The following LINGO2 variants were observed in gnomAD, a reference collection of about 807,000 sequenced individuals.
LINGO2 encodes leucine rich repeat and Ig domain containing 2.
In LINGO2, 14 loss-of-function variants were observed where a neutral mutation model predicts 30.6. That is an observed-to-expected ratio of 0.46 (90% confidence interval 0.30 to 0.72). The LOEUF (loss-of-function observed/expected upper bound fraction) is 0.72, where lower values mean the gene tolerates loss of function less well. Ranked by LOEUF, LINGO2 falls within the 30% of genes least tolerant of loss-of-function variation. The pLI, the probability that LINGO2 is intolerant of heterozygous loss-of-function variation, is 0.07. For synonymous variants in LINGO2, 317 were observed against 288.5 expected, an observed-to-expected ratio of 1.10 and a Z score of -1.00; for missense variants, 729 against 751.7, an observed-to-expected ratio of 0.97 and a Z score of 0.35.
chr9:28,479,893 A>G (rs10968610), intron 1 of LINGO2, among the ~76,000 whole-genome samples: 212 of 83,630 alleles, frequency 2.5e-3, no homozygotes, highest in Middle Eastern at 7.0e-3. Context: ...GTATGTGTGT[A>G]TGTGTATATA....
At chr9:28,377,724 A>T (rs7850453) in intron 2 of LINGO2, among the ~76,000 whole-genome samples, 1 of 152,038 alleles carries the variant, frequency 6.6e-6, no homozygotes, top group Non-Finnish European at 1.5e-5. Flanking sequence ...TACTTTTAAT[A>T]ATGCCATTTT....
the LINGO2 span, among the ~76,000 whole-genome samples, chr9:28,864,282 T>C: frequency 8.5e-5 from 13 of 152,232 alleles, no homozygotes; most frequent in African/African-American, 2.6e-4. Flanking sequence ...TGAGTGTTTT[T>C]TCCTCTGATA....
chr9:28,119,135 T>C (rs140345745), intron 4 of LINGO2, among the ~76,000 whole-genome samples: 5 of 152,328 alleles, frequency 3.3e-5, no homozygotes, highest in African/African-American at 1.2e-4. Flanking sequence ...TGTGAATAAA[T>C]TCTAGCAAAA....
At chr9:28,486,335 T>C (rs1250723668) in intron 1 of LINGO2, among the ~76,000 whole-genome samples, 1 of 152,176 alleles carries the variant, frequency 6.6e-6, no homozygotes, top group African/African-American at 2.4e-5. Flanking sequence ...GTCGTTATGT[T>C]TGGCAATTTG....
intron 3 of LINGO2, among the ~76,000 whole-genome samples, chr9:28,336,719 G>C (rs890879885): frequency 3.9e-5 from 6 of 152,040 alleles, no homozygotes; most frequent in African/African-American, 1.4e-4. Flanking sequence ...TTGGGTAAAT[G>C]TATGTGCATC....
At chr9:29,000,670 T>C in the LINGO2 span, among the ~76,000 whole-genome samples, 1 of 151,920 alleles carries the variant, frequency 6.6e-6, no homozygotes, top group South Asian at 2.1e-4. Context: ...AGAGCTTTTA[T>C]TCCTCTGAAG....
the LINGO2 span, among the ~76,000 whole-genome samples, chr9:28,769,502 ATATATATATATATATATTTTTTTTTTT>A: frequency 0.093 from 424 of 4,570 alleles, 56 homozygotes; most frequent in Admixed American, 0.13. Flanking sequence ...ATATATATAT[ATATATATATATATATATTTTTTTTTTT>A]TTTTTTTTTT....
At chr9:28,715,330 C>A in the LINGO2 span, among the ~76,000 whole-genome samples, 1 of 152,082 alleles carries the variant, frequency 6.6e-6, no homozygotes, top group African/African-American at 2.4e-5. Context: ...ATCACAGATT[C>A]TTAGAAAATA....
At position 28,618,749 on chromosome 9, in the gene LINGO2, G is replaced by C. The variant is rs76423364; in HGVS notation, c.-365+51451C>G. On this transcript the variant is annotated intron_variant, in intron 1 of 5. Coordinates refer to ENST00000379992, the Ensembl canonical transcript of LINGO2. Reference sequence around the variant, plus strand: ...GTTACCTTGATCTCACCAGTCTAAAGGAGACACCAAGTTACTAAAATAATA... The same window carrying C: ...GTTACCTTGATCTCACCAGTCTAAACGAGACACCAAGTTACTAAAATAATA... 5.5e-3 allele frequency among the ~76,000 whole-genome samples: 842 copies of C among 152,210 alleles called. 17 individuals are homozygous for C. In the East Asian group the frequency reaches 0.072, roughly 13 times the overall value.
chr9:29,170,119 G>T, the LINGO2 span, among the ~76,000 whole-genome samples: 2 of 152,092 alleles, frequency 1.3e-5, no homozygotes, highest in African/African-American at 4.8e-5. Context: ...CAAAGAAAAA[G>T]AAATCACCGT....
chr9:28,153,891 G>A (rs985384654), intron 4 of LINGO2, among the ~76,000 whole-genome samples: 1 of 152,096 alleles, frequency 6.6e-6, no homozygotes, highest in Non-Finnish European at 1.5e-5. Flanking sequence ...ATTTCATTAA[G>A]GAAAGCAAAT....
At chr9:28,180,801 G>A (rs17771672) in intron 4 of LINGO2, among the ~76,000 whole-genome samples, 3,765 of 152,052 alleles carry the variant, frequency 0.025, 84 homozygotes, top group Non-Finnish European at 0.039. Flanking sequence ...AACCCCAAGA[G>A]TGTCACATAC....
the LINGO2 span, among the ~76,000 whole-genome samples, chr9:28,989,687 A>T: frequency 4.5e-4 from 68 of 152,338 alleles, no homozygotes; most frequent in African/African-American, 1.6e-3. Flanking sequence ...TTATTATTAC[A>T]AAGAATACAA....
At chr9:28,117,938 A>G (rs1826980094) in intron 4 of LINGO2, among the ~76,000 whole-genome samples, 1 of 152,216 alleles carries the variant, frequency 6.6e-6, no homozygotes, top group South Asian at 2.1e-4. Context: ...TAAAGGCATG[A>G]AGTGTAAAAG....
chr9:28,239,822 T>C (rs1039934627), intron 4 of LINGO2, among the ~76,000 whole-genome samples: 2 of 152,108 alleles, frequency 1.3e-5, no homozygotes, highest in Non-Finnish European at 2.9e-5. Context: ...GGCATCCAAA[T>C]TGGAAAGGAA....
chr9:28,371,482 G>A (rs1245429151), intron 3 of LINGO2, among the ~76,000 whole-genome samples: 1 of 152,108 alleles, frequency 6.6e-6, no homozygotes, highest in Non-Finnish European at 1.5e-5. Context: ...ACTCCCTTGG[G>A]CCTCTTTTAT....
At chr9:28,584,663 A>C (rs1328898968) in intron 1 of LINGO2, among the ~76,000 whole-genome samples, 2 of 152,064 alleles carry the variant, frequency 1.3e-5, no homozygotes, top group African/African-American at 4.8e-5. Flanking sequence ...TAATTCTTAT[A>C]ATAGATTTTA....
At chr9:28,438,099 T>C (rs956009644) in intron 2 of LINGO2, among the ~76,000 whole-genome samples, 1 of 152,178 alleles carries the variant, frequency 6.6e-6, no homozygotes, top group Non-Finnish European at 1.5e-5. Flanking sequence ...TTCATGATGG[T>C]TCCCTTTCTG....
the LINGO2 span, among the ~76,000 whole-genome samples, chr9:28,688,540 G>A: frequency 2.8e-4 from 43 of 152,190 alleles, no homozygotes; most frequent in East Asian, 8.1e-3. Context: ...CAGGTGACAT[G>A]GTTCCTCCTA....
Sources: gnomAD v4.1 joint callset for allele counts (sites outside exome capture counted in the v4.1 genomes callset) on GRCh38, gnomAD v4.1.1 for gene constraint, MANE v1.5 for transcripts, NCBI Gene and HGNC (gene_info 2026-07-23, HGNC 2026-07-21) for gene names.